ERICH5: variants seen among roughly 807,000 people sequenced by gnomAD.
ERICH5 encodes glutamate rich 5.
In ERICH5, 24 loss-of-function variants were observed where a neutral mutation model predicts 28.0. The ratio of observed to expected loss-of-function variants is 0.86; its 90% CI spans 0.62 to 1.21. The LOEUF (loss-of-function observed/expected upper bound fraction) is 1.21. Ranked by LOEUF, ERICH5 falls within the 50% of genes most tolerant of loss-of-function variation. The pLI, the probability that ERICH5 is intolerant of heterozygous loss-of-function variation, is 0.00. For missense variants in ERICH5, 421 were observed against 441.2 expected (o/e 0.95, Z 0.41); for synonymous variants, 163 against 157.6 (o/e 1.03, Z -0.25).
chr8:98,077,043 G>T lies in ERICH5; in HGVS notation c.59-12033G>T, dbSNP rs890107167. On this transcript the variant is annotated intron_variant, in intron 1 of 2. Transcript: ENST00000318528. ...TTTAAAAGGCCAACGCAGGAGGATC[G>T]CTTCAGGCCAGGAGTTTGAGACCAG... 5.3e-5 allele frequency among the ~76,000 whole-genome samples: 8 copies of T among 151,908 alleles called. 1 individual carries two copies. The highest frequency in any genetic ancestry group is 2.0e-4 in the Admixed American group (3 of 15,226).
At chr8:98,092,319 T>C (rs970343687) in intron 2 of ERICH5, among the ~76,000 whole-genome samples, 1 of 152,026 alleles carries the variant, frequency 6.6e-6, no homozygotes, top group African/African-American at 2.4e-5. Context: ...GGCGCCACCA[T>C]CCCTGGTTAA....
chr8:98,091,920 C>CCTTTCTTT (rs1363100223), intron 2 of ERICH5, among the ~76,000 whole-genome samples: 11 of 26,804 alleles, frequency 4.1e-4, no homozygotes, highest in African/African-American at 9.9e-4. Context: ...TTTCTTTCTT[C>CCTTTCTTT]CTTTCTTTCT....
At chr8:98,064,809 C>G (rs1814790442) in intron 1 of ERICH5, 82 bp downstream of exon 1, 10 of 1,131,038 alleles carry the variant, frequency 8.8e-6, no homozygotes, top group Non-Finnish European at 1.2e-5. Context: ...AGGGTGTGTC[C>G]CGTGGCCACC....
At position 98,073,302 on chromosome 8, in the gene ERICH5, C is replaced by T. The variant is rs936062892; in HGVS notation, c.58+8575C>T. ...CTGAGAATATAGTCTGGGCCAGGAA[C>T]GGTGACTCATGCCTGTAATCCCAGC... On this transcript the variant is annotated intron_variant, in intron 1 of 2. Transcript: ENST00000318528. 4.0e-5 allele frequency among the ~76,000 whole-genome samples: 6 copies of T among 149,278 alleles called. No homozygotes were observed. The South Asian group carries it at 6.5e-4, about 16-fold the overall frequency.
intron 1 of ERICH5, 50 bp from the exon 2 acceptor site, chr8:98,089,026 A>G: frequency 1.4e-6 from 2 of 1,380,152 alleles, no homozygotes; most frequent in Non-Finnish European, 2.0e-6. Context: ...AAACTAAACA[A>G]TAATTTGTGT....
chr8:98,087,920 T>C lies in ERICH5; in HGVS notation c.59-1156T>C, dbSNP rs144704010. On this transcript the variant is annotated intron_variant, in intron 1 of 2. Coordinates refer to ENST00000318528, the MANE Select transcript of ERICH5 (RefSeq NM_173549.3). Reference sequence around the variant, plus strand: ...TTTTAAGTTGTTTTCTAGCTTTTGCTGCTATAAAAAACAATGTGGGGTGGG... The same window carrying C: ...TTTTAAGTTGTTTTCTAGCTTTTGCCGCTATAAAAAACAATGTGGGGTGGG... Among the ~76,000 whole-genome samples, 879 of 152,240 alleles carry C rather than the reference T, an allele frequency of 5.8e-3. 5 individuals carry two copies. The highest frequency in any genetic ancestry group is 0.02 in the African/African-American group (848 of 41,540).
chr8:98,071,883 T>C (rs1458983823), intron 1 of ERICH5, among the ~76,000 whole-genome samples: 2 of 150,454 alleles, frequency 1.3e-5, no homozygotes, highest in African/African-American at 2.5e-5. Context: ...ACAATCCACA[T>C]TGTTTTTATT....
intron 1 of ERICH5, among the ~76,000 whole-genome samples, chr8:98,085,005 T>C (rs1032166272): frequency 3.6e-4 from 54 of 152,094 alleles, no homozygotes; most frequent in African/African-American, 1.3e-3. Context: ...TGGAATTATA[T>C]GCTATGTAAT....
At chr8:98,078,130 A>G (rs531284702) in intron 1 of ERICH5, among the ~76,000 whole-genome samples, 7 of 152,314 alleles carry the variant, frequency 4.6e-5, no homozygotes, top group African/African-American at 1.7e-4. Flanking sequence ...AGCTGATGGA[A>G]TGCACACTTG....
At chr8:98,078,632 T>C (rs1008036425) in intron 1 of ERICH5, among the ~76,000 whole-genome samples, 1 of 152,234 alleles carries the variant, frequency 6.6e-6, no homozygotes, top group Non-Finnish European at 1.5e-5. Flanking sequence ...TTCTGTAATG[T>C]TGCCTAGTAT....
chr8:98,073,432 CTATATATA>C (rs1185025027), intron 1 of ERICH5, among the ~76,000 whole-genome samples: 1 of 15,040 alleles, frequency 6.6e-5, no homozygotes, highest in Non-Finnish European at 1.1e-4. Flanking sequence ...CTCTCTCTCT[CTATATATA>C]TATATATATA....
chr8:98,087,173 A>G (rs1048884258), intron 1 of ERICH5, among the ~76,000 whole-genome samples: 2 of 152,110 alleles, frequency 1.3e-5, no homozygotes, highest in African/African-American at 4.8e-5. Context: ...ACCACGTGGG[A>G]CCACATCTCT....
intron 1 of ERICH5, among the ~76,000 whole-genome samples, chr8:98,073,486 G>C (rs28670187): frequency 2.5e-4 from 1 of 3,958 alleles, no homozygotes; most frequent in Non-Finnish European, 3.8e-4. Flanking sequence ...ATATATATAT[G>C]TATATATATA....
intron 1 of ERICH5, among the ~76,000 whole-genome samples, chr8:98,075,745 A>G (rs1317843286): frequency 7.0e-6 from 1 of 143,258 alleles, no homozygotes; most frequent in Non-Finnish European, 1.5e-5. Context: ...TCCCAGCCAC[A>G]CAGTTGCTAA....
rs1563753548 is a variant in ERICH5 at position 98,073,514 on chromosome 8, ATG to A, written c.58+8789_58+8790del. Among the ~76,000 whole-genome samples, 17 of 6,328 alleles carry A rather than the reference ATG, an allele frequency of 2.7e-3. 4 individuals are homozygous for A. Among genetic ancestry groups the A allele is most frequent in the Admixed American group, 7.3e-3 (2 of 274 alleles). 4.2% of individuals were successfully genotyped at this position (6,328 alleles called of 152,430 possible). On this transcript the variant is annotated intron_variant, in intron 1 of 2. Transcript: ENST00000318528. ...TATATATATATATATATATATATAT[ATG>A]TATATATATATATATATATATATAT...
At chr8:98,076,831 C>T (rs76163670) in intron 1 of ERICH5, among the ~76,000 whole-genome samples, 1 of 150,706 alleles carries the variant, frequency 6.6e-6, no homozygotes, top group African/African-American at 2.4e-5. Flanking sequence ...AAAAAAAATT[C>T]CCAGGTCATG....
In ERICH5 at chr8:98,075,785, C is replaced by CTT. The variant is rs1296283210; in HGVS notation, c.58+11076_58+11077dup. Among the ~76,000 whole-genome samples the CTT allele has an allele frequency of 2.9e-3, 235 of 81,644 alleles. 15 individuals carry two copies. The highest frequency in any genetic ancestry group is 9.9e-3 in the African/African-American group (214 of 21,716). 53.6% of individuals were successfully genotyped at this position (81,644 alleles called of 152,430 possible). A position where few individuals can be genotyped will look rare whatever the true frequency, so the allele number is the denominator to read the frequency against. ...TAACTCCCATCTCAAGCACACCTGC[C>CTT]TTTTTTTTTTTTTTTTTTTGAGACA... On this transcript the variant is annotated intron_variant, in intron 1 of 2. Transcript: ENST00000318528.
chr8:98,085,467 C>T (rs1815259369), intron 1 of ERICH5, among the ~76,000 whole-genome samples: 1 of 151,932 alleles, frequency 6.6e-6, no homozygotes, highest in Non-Finnish European at 1.5e-5. Context: ...CCGGCCGTTC[C>T]ACAGATTTTT....
intron 1 of ERICH5, among the ~76,000 whole-genome samples, chr8:98,085,200 G>A: frequency 9.3e-6 from 1 of 107,966 alleles, no homozygotes; most frequent in South Asian, 3.3e-4. Flanking sequence ...TTACTCTGTC[G>A]CCCAGGCTGG....
Sources: allele counts gnomAD v4.1 joint callset (sites outside exome capture counted in the v4.1 genomes callset), GRCh38; gene constraint gnomAD v4.1.1; transcripts MANE v1.5; gene names NCBI Gene and HGNC (gene_info 2026-07-23, HGNC 2026-07-21).